Variants in FER1L6 observed in about 807,000 individuals in gnomAD.
The protein encoded by FER1L6 is fer-1-like protein 6.
In FER1L6, 177 loss-of-function variants were observed where a neutral mutation model predicts 219.2. That is an observed-to-expected ratio of 0.81 (90% CI 0.71 to 0.91). The LOEUF is 0.91. Among genes scored for constraint, FER1L6 ranks in the 40% least tolerant of loss-of-function variants. The pLI is 0.00. For synonymous variants in FER1L6, 768 were observed against 824.3 expected (o/e 0.93, Z 1.17); for missense variants, 2,153 against 2,259.9 (o/e 0.95, Z 0.96).
At chr8:123,924,534 CAAAAA>C (rs35116182) in intron 1 of FER1L6, among the ~76,000 whole-genome samples, 4 of 147,454 alleles carry the variant, frequency 2.7e-5, no homozygotes, top group African/African-American at 5.1e-5. Flanking sequence ...AACTCCATCT[CAAAAA>C]AAAAAAAATA....
At chr8:123,959,930 CT>C (rs1224038729) in intron 2 of FER1L6, among the ~76,000 whole-genome samples, 2 of 152,200 alleles carry the variant, frequency 1.3e-5, no homozygotes, top group African/African-American at 4.8e-5. Context: ...TTTAAAATCA[CT>C]TTTCTTGCCC....
rs201570190 is a variant in FER1L6 at position 124,097,798 on chromosome 8, G to A, written c.4798G>A (p.Val1600Met). ...CTCCCATCCCAGATACGAATTGAGA[G>A]TGACCATCTGGAACACTGAAGATGT... The part of the protein sequence containing the change: ...PRRPKGYELR[V>M]TIWNTEDVIL... The change falls in exon 37 of 41, where the codon GTG becomes ATG. Residue 1600 changes from valine (V) to methionine (M), a missense_variant. By Grantham distance (21) the Val-to-Met change is conservative. Transcript: ENST00000522917. 2.9e-5 allele frequency: 46 copies of A among 1,590,372 alleles called. No homozygotes were observed. Among genetic ancestry groups the A allele is most frequent in the Non-Finnish European group, 3.9e-5 (45 of 1,158,222 alleles).
chr8:124,021,791 A>C (rs1818464793), intron 17 of FER1L6, 122 bp downstream of exon 17: 1 of 1,055,810 alleles, frequency 9.5e-7, no homozygotes, highest in Admixed American at 2.1e-5. Context: ...CTAGTGGGCT[A>C]CGCAGGCACT....
chr8:124,114,895 GTATATATATATATA>G (rs71289637), intron 39 of FER1L6, among the ~76,000 whole-genome samples: 1,667 of 90,076 alleles, frequency 0.019, 65 homozygotes, highest in African/African-American at 0.061. Context: ...GTGTGTGTGC[GTATATATATATATA>G]TATATATATA....
At chr8:124,012,693 C>T (rs1264563726) in intron 14 of FER1L6, among the ~76,000 whole-genome samples, 1 of 152,170 alleles carries the variant, frequency 6.6e-6, no homozygotes, top group Admixed American at 6.5e-5. Flanking sequence ...CTCTGGAGCC[C>T]AAATCCTTAA....
intron 21 of FER1L6, among the ~76,000 whole-genome samples, chr8:124,048,192 G>T (rs1202291854): frequency 1.3e-5 from 2 of 152,220 alleles, no homozygotes; most frequent in African/African-American, 4.8e-5. Context: ...TTCTACAGCT[G>T]GGGTTGCACA....
chr8:124,025,552 G>A (rs1410019110), intron 18 of FER1L6, among the ~76,000 whole-genome samples: 2 of 152,022 alleles, frequency 1.3e-5, no homozygotes, highest in African/African-American at 4.8e-5. Flanking sequence ...TACTTTTATA[G>A]CAGTACCATG....
chr8:123,961,880 CTTTTTTT>C (rs1295109025), intron 2 of FER1L6, among the ~76,000 whole-genome samples: 6 of 129,198 alleles, frequency 4.6e-5, no homozygotes, highest in Non-Finnish European at 6.7e-5. Context: ...TGTTTGTTTT[CTTTTTTT>C]TTTTTTTTTT....
intron 33 of FER1L6, among the ~76,000 whole-genome samples, chr8:124,086,359 T>C (rs1219943505): frequency 6.6e-6 from 1 of 152,128 alleles, no homozygotes. Flanking sequence ...GTGTATCTGT[T>C]GTATGTGTTT....
rs151059224 is a variant in FER1L6, at chr8:123,951,351, G to C, written c.-7-4641G>C. ...GGGGCATCATTGCCTTAATGAAATAGAACATTGAATAGGTAAGTTTTGATA... is the reference window on the plus strand; with the variant it reads ...GGGGCATCATTGCCTTAATGAAATACAACATTGAATAGGTAAGTTTTGATA... On this transcript the variant is annotated intron_variant, in intron 1 of 40. Transcript: ENST00000522917. Among the ~76,000 whole-genome samples, 37 of 152,326 alleles carry C rather than the reference G, an allele frequency of 2.4e-4. 1 individual carries two copies. The East Asian group carries it at 6.4e-3, about 26-fold the overall frequency.
rs775829770 is a variant in FER1L6 at position 123,975,316 on chromosome 8, G to T, written c.683+10G>T. The stretch of plus-strand genomic sequence containing the variant: ...AGGAGCCAATAGAAAAGTAAGACAG[G>T]TCCATCCTGGGTTGTGCATAGAAAT... On this transcript the variant is annotated intron_variant, in intron 8 of 40. Transcript: ENST00000522917. 2 of 1,601,720 alleles carry T rather than the reference G, an allele frequency of 1.2e-6. No homozygotes were observed. Among genetic ancestry groups the T allele is most frequent in the East Asian group, 2.2e-5 (1 of 44,554 alleles).
intron 1 of FER1L6, among the ~76,000 whole-genome samples, chr8:123,904,521 C>T (rs992697481): frequency 2.0e-5 from 3 of 152,070 alleles, no homozygotes; most frequent in Non-Finnish European, 2.9e-5. Context: ...TCAAAGTCTA[C>T]CTCTAAAACA....
chr8:123,955,723 T>C (rs1814982785), intron 1 of FER1L6, among the ~76,000 whole-genome samples: 1 of 152,140 alleles, frequency 6.6e-6, no homozygotes, highest in Non-Finnish European at 1.5e-5. Flanking sequence ...TTTCAGCTAG[T>C]GTTGTTAGTA....
Position 123,973,465 on chromosome 8 carries a change from T to G in FER1L6, c.479T>G (p.Leu160Arg). 1 of 1,614,158 alleles carries G rather than the reference T, an allele frequency of 6.2e-7. No individual in the cohort carries two copies. The highest frequency in any genetic ancestry group is 1.1e-5 in the South Asian group (1 of 91,086). The change falls in exon 7 of 41, where the codon CTG (leucine) becomes CGG (arginine). Residue 160 changes from leucine (L) to arginine (R), a missense_variant. Leu to Arg is a moderately radical substitution (Grantham distance 102). Transcript: ENST00000522917. ...VFHHKLIGSVLIGSFKVDLGT... is the reference protein window; with the variant it reads ...VFHHKLIGSVRIGSFKVDLGT... ...CACCACAAGCTGATAGGAAGTGTAC[T>G]GATTGGCTCTTTCAAAGTAGACCTG... is the stretch of plus-strand genomic sequence containing the variant.
chr8:123,920,087 G>A (rs569483965), intron 1 of FER1L6, among the ~76,000 whole-genome samples: 1 of 152,316 alleles, frequency 6.6e-6, no homozygotes, highest in Non-Finnish European at 1.5e-5. Flanking sequence ...TACACCCCAA[G>A]TTCAAGTCCC....
chr8:123,856,029 G>A (rs1816634054), intron 1 of FER1L6, among the ~76,000 whole-genome samples: 1 of 139,804 alleles, frequency 7.2e-6, no homozygotes, highest in East Asian at 2.0e-4. Context: ...ATATACATAT[G>A]TATATGAGAT....
At chr8:123,857,750 G>A (rs1816673470) in intron 1 of FER1L6, among the ~76,000 whole-genome samples, 1 of 152,166 alleles carries the variant, frequency 6.6e-6, no homozygotes, top group African/African-American at 2.4e-5. Context: ...AGGCCCCTCA[G>A]CCAGCAGGTT....
At chr8:124,070,191 A>G (rs1425360937) in intron 29 of FER1L6, among the ~76,000 whole-genome samples, 1 of 152,214 alleles carries the variant, frequency 6.6e-6, no homozygotes, top group African/African-American at 2.4e-5. Flanking sequence ...AACTAGCTCT[A>G]AAAGGTTTGT....
intron 5 of FER1L6, 38 bp from the exon 6 acceptor site, chr8:123,969,997 C>T (rs199921140): frequency 1.5e-5 from 23 of 1,577,922 alleles, no homozygotes; most frequent in Non-Finnish European, 1.9e-5. Context: ...AGGTGCAAGT[C>T]TGGGGTTGAT....
Sources: allele counts gnomAD v4.1 joint callset (sites outside exome capture counted in the v4.1 genomes callset), GRCh38; gene constraint gnomAD v4.1.1; transcripts MANE v1.5; gene names NCBI Gene and HGNC (gene_info 2026-07-23, HGNC 2026-07-21).